Variants in GALNT13 observed in about 807,000 individuals in gnomAD.
The protein encoded by GALNT13 is UDP-GalNAc:polypeptide N-acetylgalactosaminyltransferase 13.
Under a neutral mutation model 64.2 loss-of-function variants are expected in GALNT13, and 28 were observed. The observed-to-expected ratio is 0.44, with a 90% CI of 0.32 to 0.60. The LOEUF (loss-of-function observed/expected upper bound fraction) is 0.60, where lower values mean the gene tolerates loss of function less well. GALNT13 is among the 20% of genes least tolerant of loss of function. The pLI is 0.05. For missense variants in GALNT13, 577 were observed against 669.8 expected (o/e 0.86, Z 1.53); for synonymous variants, 214 against 224.6 (o/e 0.95, Z 0.42).
chr2:153,405,844 C>A, the GALNT13 span, among the ~76,000 whole-genome samples: 1 of 152,048 alleles, frequency 6.6e-6, no homozygotes, highest in Non-Finnish European at 1.5e-5. Flanking sequence ...TAGAACTTTC[C>A]CCCAACTCAG....
chr2:154,339,583 A>G (rs1450152648), intron 9 of GALNT13, among the ~76,000 whole-genome samples: 1 of 152,172 alleles, frequency 6.6e-6, no homozygotes, highest in African/African-American at 2.4e-5. Context: ...AAATAATTAA[A>G]TGAACATAAG....
At position 154,452,039 on chromosome 2, in the gene GALNT13, T is replaced by C. The variant is rs1389584807; in HGVS notation, c.*1488T>C. On this transcript the variant is annotated 3_prime_UTR_variant, in exon 13 of 13. Transcript: ENST00000392825. ...CTTTATAATGAAAATGAGGACACTT[T>C]CTGATGGTCAGTAAAATCTTAAATG... 1.3e-5 allele frequency: 2 copies of C among 152,260 alleles called. No individual in the cohort carries two copies. Among genetic ancestry groups the C allele is most frequent in the East Asian group, 3.9e-4 (2 of 5,180 alleles). 9.4% of individuals were successfully genotyped at this position (152,260 alleles called of 1,614,324 possible).
At chr2:153,283,403 A>G in the GALNT13 span, among the ~76,000 whole-genome samples, 17 of 152,268 alleles carry the variant, frequency 1.1e-4, no homozygotes, top group South Asian at 4.1e-4. Flanking sequence ...CTGCACTATA[A>G]TATGCACAGA....
the GALNT13 span, among the ~76,000 whole-genome samples, chr2:153,101,567 T>C: frequency 1.3e-5 from 2 of 152,246 alleles, no homozygotes; most frequent in African/African-American, 2.4e-5. Context: ...AGTCTTTTTT[T>C]GTTTTTTAGT....
At chr2:153,270,097 A>G in the GALNT13 span, among the ~76,000 whole-genome samples, 1 of 152,334 alleles carries the variant, frequency 6.6e-6, no homozygotes, top group East Asian at 1.9e-4. Flanking sequence ...GATGGTTTCA[A>G]AAGATCCATT....
intron 4 of GALNT13, among the ~76,000 whole-genome samples, chr2:154,156,285 A>G (rs946302612): frequency 2.6e-5 from 4 of 152,112 alleles, no homozygotes; most frequent in African/African-American, 9.6e-5. Context: ...TTCACATTTT[A>G]TATTCATCCA....
At chr2:154,389,812 A>G (rs1376945087) in intron 9 of GALNT13, among the ~76,000 whole-genome samples, 2 of 152,134 alleles carry the variant, frequency 1.3e-5, no homozygotes, top group Non-Finnish European at 2.9e-5. Context: ...TAGCAGCAAA[A>G]AAAATGTAAT....
rs184067113 is a variant in GALNT13 at position 153,912,505 on chromosome 2, T to G, written c.-105+11498T>G. On this transcript the variant is annotated intron_variant, in intron 2 of 12. Coordinates refer to ENST00000392825, the MANE Select transcript of GALNT13 (RefSeq NM_052917.4). ...CTTGCTTTTTTTGAGCTGTCAGAGT[T>G]CTTGTGCTGGTTCTTTCTCATCTTT... Among the ~76,000 whole-genome samples the G allele has an allele frequency of 1.1e-4, 16 of 152,304 alleles. No individual in the cohort carries two copies. The East Asian group carries it at 2.9e-3, about 28-fold the overall frequency.
At chr2:153,141,274 C>T in the GALNT13 span, among the ~76,000 whole-genome samples, 35 of 151,998 alleles carry the variant, frequency 2.3e-4, no homozygotes, top group African/African-American at 8.0e-4. Context: ...GGAGTGACAT[C>T]TGGGTTCCAC....
At chr2:153,714,490 G>A in the GALNT13 span, among the ~76,000 whole-genome samples, 1 of 152,136 alleles carries the variant, frequency 6.6e-6, no homozygotes, top group East Asian at 1.9e-4. Context: ...TGTACCTTTA[G>A]GCTCTGCCAA....
chr2:154,039,257 G>A (rs894965248), intron 3 of GALNT13, among the ~76,000 whole-genome samples: 3 of 142,790 alleles, frequency 2.1e-5, no homozygotes, highest in African/African-American at 7.3e-5. Context: ...TCCCACTAAT[G>A]GATATTTATC....
At chr2:153,179,764 C>T in the GALNT13 span, among the ~76,000 whole-genome samples, 1 of 152,072 alleles carries the variant, frequency 6.6e-6, no homozygotes, top group South Asian at 2.1e-4. Flanking sequence ...AAGTCTTTCA[C>T]TTCCTTCCAC....
intron 9 of GALNT13, among the ~76,000 whole-genome samples, chr2:154,345,410 A>G (rs1253397289): frequency 1.3e-5 from 2 of 152,034 alleles, no homozygotes; most frequent in Non-Finnish European, 2.9e-5. Flanking sequence ...GTTGTTGCTC[A>G]AGAGAACTTT....
At chr2:153,844,515 G>A in the GALNT13 span, among the ~76,000 whole-genome samples, 1 of 152,230 alleles carries the variant, frequency 6.6e-6, no homozygotes, top group Non-Finnish European at 1.5e-5. Flanking sequence ...GGGCTGCAGT[G>A]AAGGTCTCTG....
At chr2:154,041,461 G>T (rs1698972404) in intron 3 of GALNT13, among the ~76,000 whole-genome samples, 1 of 139,682 alleles carries the variant, frequency 7.2e-6, no homozygotes, top group Admixed American at 7.2e-5. Flanking sequence ...GTTCTGTGAG[G>T]TTTTTTTCTG....
chr2:153,804,690 C>G, the GALNT13 span, among the ~76,000 whole-genome samples: 1 of 151,936 alleles, frequency 6.6e-6, no homozygotes, highest in Non-Finnish European at 1.5e-5. Context: ...GAAATAACTA[C>G]ACAAACAAAT....
the GALNT13 span, among the ~76,000 whole-genome samples, chr2:153,146,866 G>A: frequency 6.6e-6 from 1 of 151,826 alleles, no homozygotes; most frequent in African/African-American, 2.4e-5. Context: ...CAGCGGACAG[G>A]TCCTCTCCCA....
chr2:153,804,827 C>T, the GALNT13 span, among the ~76,000 whole-genome samples: 1 of 151,946 alleles, frequency 6.6e-6, no homozygotes, highest in African/African-American at 2.4e-5. Flanking sequence ...ACCAGAAAGA[C>T]AGGCTTATAT....
At chr2:153,277,117 C>G in the GALNT13 span, among the ~76,000 whole-genome samples, 1 of 151,958 alleles carries the variant, frequency 6.6e-6, no homozygotes, top group South Asian at 2.1e-4. Flanking sequence ...GTATATTGTG[C>G]GACGGTAATG....
Sources: gnomAD v4.1 joint callset for allele counts (sites outside exome capture counted in the v4.1 genomes callset) on GRCh38, gnomAD v4.1.1 for gene constraint, MANE v1.5 for transcripts, NCBI Gene and HGNC (gene_info 2026-07-23, HGNC 2026-07-21) for gene names.